The following SSBP2 variants were observed in gnomAD, a reference collection of about 807,000 sequenced individuals.
SSBP2 encodes the protein single stranded DNA binding protein 2.
Under a neutral mutation model 61.8 loss-of-function variants are expected in SSBP2, and 17 were observed. The ratio of observed to expected loss-of-function variants is 0.28; its 90% CI spans 0.19 to 0.41. The LOEUF (loss-of-function observed/expected upper bound fraction) is 0.41, where lower values mean the gene tolerates loss of function less well. Ranked by LOEUF, SSBP2 falls within the 10% of genes least tolerant of loss-of-function variation. The pLI is 1.00. For synonymous variants in SSBP2, 139 were observed against 141.3 expected (o/e 0.98, Z 0.12); for missense variants, 310 against 458.7 (o/e 0.68, Z 2.96).
chr5:81,532,609 G>T (rs1258641460), intron 4 of SSBP2, among the ~76,000 whole-genome samples: 1 of 151,860 alleles, frequency 6.6e-6, no homozygotes, highest in Non-Finnish European at 1.5e-5. Flanking sequence ...AAAAAGTATA[G>T]ATTTATAGTG....
At chr5:81,442,955 G>T (rs1485630136) in intron 12 of SSBP2, 3 of 308,474 alleles carry the variant, frequency 9.7e-6, no homozygotes, top group Non-Finnish European at 1.2e-5. Flanking sequence ...CAGGTAAAAG[G>T]ATTATTAGAA....
rs1761431749 is a variant in SSBP2 at position 81,418,767 on chromosome 5, A to T, written c.*1737T>A. On this transcript the variant is annotated 3_prime_UTR_variant, in exon 17 of 17. Coordinates refer to ENST00000320672, the MANE Select transcript of SSBP2 (RefSeq NM_012446.5). ...CTAAGCATAGAAAAGATATGCTAAAAATATGGTATTATAATCTTATAGGAC... is the reference window on the plus strand; with the variant it reads ...CTAAGCATAGAAAAGATATGCTAAATATATGGTATTATAATCTTATAGGAC... 6.6e-6 allele frequency: 1 copy of T among 152,226 alleles called. No individual in the cohort carries two copies. Among genetic ancestry groups the T allele is most frequent in the African/African-American group, 2.4e-5 (1 of 41,464 alleles). 9.4% of individuals were successfully genotyped at this position (152,226 alleles called of 1,614,324 possible). A position where few individuals can be genotyped will look rare whatever the true frequency, so the allele number is the denominator to read the frequency against.
intron 1 of SSBP2, among the ~76,000 whole-genome samples, chr5:81,728,530 G>A (rs926135408): frequency 6.6e-6 from 1 of 152,116 alleles, no homozygotes; most frequent in Admixed American, 6.6e-5. Flanking sequence ...ATAACCTTGT[G>A]CAAGCCACTT....
At chr5:81,672,889 TA>T (rs1335144619) in intron 1 of SSBP2, among the ~76,000 whole-genome samples, 1 of 151,296 alleles carries the variant, frequency 6.6e-6, no homozygotes, top group East Asian at 1.9e-4. Flanking sequence ...TTTTTTTTTT[TA>T]AACAGTCTCG....
At chr5:81,751,222 G>A (rs184161094), upstream of SSBP2, 60 of 649,006 alleles carry the variant, frequency 9.2e-5, no homozygotes, top group African/African-American at 1.1e-3. Context: ...CCCTCCCTCT[G>A]GCCTTCCGAA....
At chr5:81,653,112 G>A (rs912124465) in intron 1 of SSBP2, among the ~76,000 whole-genome samples, 2 of 151,660 alleles carry the variant, frequency 1.3e-5, no homozygotes, top group African/African-American at 2.4e-5. Context: ...CTCACCCACC[G>A]ACAGGCCCCA....
chr5:81,659,199 T>C (rs1260262585), intron 1 of SSBP2, among the ~76,000 whole-genome samples: 1 of 152,072 alleles, frequency 6.6e-6, no homozygotes, highest in Non-Finnish European at 1.5e-5. Context: ...TAAAGGGTAT[T>C]AAAATAGGAA....
intron 1 of SSBP2, among the ~76,000 whole-genome samples, chr5:81,722,397 GT>G (rs202149161): frequency 6.3e-4 from 86 of 136,414 alleles, no homozygotes; most frequent in African/African-American, 1.1e-3. Context: ...GTATAATTTT[GT>G]TTTTTTTTTT....
At chr5:81,512,418 T>A (rs761739683) in intron 5 of SSBP2, among the ~76,000 whole-genome samples, 1 of 152,198 alleles carries the variant, frequency 6.6e-6, no homozygotes, top group African/African-American at 2.4e-5. Context: ...AAGCATGGCA[T>A]GTAGTTAGCA....
intron 5 of SSBP2, among the ~76,000 whole-genome samples, chr5:81,502,108 C>T (rs986021875): frequency 1.3e-5 from 2 of 152,032 alleles, no homozygotes; most frequent in African/African-American, 4.8e-5. Context: ...TACTCATTGC[C>T]TCCAATTTCT....
Position 81,466,966 on chromosome 5 carries a change from T to C in SSBP2, c.638+8A>G, listed in dbSNP as rs1764934162. On this transcript the variant is annotated splice_region_variant and intron_variant, in intron 9 of 16. Transcript: ENST00000320672. ...TAATAATGTAGTATATGATATAACA[T>C]TGCTTACATGTTCATTCCAGGCATT... 2 of 1,578,628 alleles carry C rather than the reference T, an allele frequency of 1.3e-6. No homozygotes were observed. Among genetic ancestry groups the C allele is most frequent in the Non-Finnish European group, 1.7e-6 (2 of 1,149,882 alleles).
At chr5:81,699,008 T>A (rs995928201) in intron 1 of SSBP2, among the ~76,000 whole-genome samples, 8 of 152,320 alleles carry the variant, frequency 5.3e-5, no homozygotes, top group African/African-American at 1.7e-4. Context: ...TACAATAAAG[T>A]GAGTCACATG....
At chr5:81,452,953 A>G (rs1313840038) in intron 10 of SSBP2, among the ~76,000 whole-genome samples, 1 of 151,336 alleles carries the variant, frequency 6.6e-6, no homozygotes, top group Non-Finnish European at 1.5e-5. Flanking sequence ...TTAAAATGAA[A>G]AAAAAAAAAA....
At position 81,699,859 on chromosome 5, in the gene SSBP2, T is replaced by C. The variant is rs980639820; in HGVS notation, c.63-49520A>G. Among the ~76,000 whole-genome samples the C allele has an allele frequency of 2.9e-4, 42 of 145,544 alleles. 1 individual carries two copies. The East Asian group carries it at 5.3e-3, about 18-fold the overall frequency. On this transcript the variant is annotated intron_variant, in intron 1 of 16. Coordinates refer to ENST00000320672, the MANE Select transcript of SSBP2 (RefSeq NM_012446.5). ...TAGCTTTACAAAATCAATTTCTTTT[T>C]TTTTTTTTTTTTTTTGAGACATGGT...
At chr5:81,713,768 G>GCAAA (rs1014334311) in intron 1 of SSBP2, among the ~76,000 whole-genome samples, 1 of 151,802 alleles carries the variant, frequency 6.6e-6, no homozygotes, top group Non-Finnish European at 1.5e-5. Flanking sequence ...ACCAAAGCAA[G>GCAAA]CAAACAAACA....
intron 1 of SSBP2, among the ~76,000 whole-genome samples, chr5:81,718,115 CTTT>C (rs1755293245): frequency 6.6e-6 from 1 of 152,082 alleles, no homozygotes. Context: ...CCCACCCAGA[CTTT>C]TAAGCAAATA....
At chr5:81,495,684 T>C (rs2154063452) in intron 5 of SSBP2, among the ~76,000 whole-genome samples, 1 of 152,296 alleles carries the variant, frequency 6.6e-6, no homozygotes, top group South Asian at 2.1e-4. Context: ...GATAATTAAT[T>C]CTTAAAATAA....
At chr5:81,565,669 T>C (rs1319971141) in intron 4 of SSBP2, among the ~76,000 whole-genome samples, 1 of 152,122 alleles carries the variant, frequency 6.6e-6, no homozygotes, top group Non-Finnish European at 1.5e-5. Context: ...CATAAACTCA[T>C]CAAGAAAGAA....
chr5:81,690,610 A>C (rs964674742), intron 1 of SSBP2, among the ~76,000 whole-genome samples: 1 of 152,082 alleles, frequency 6.6e-6, no homozygotes, highest in Admixed American at 6.5e-5. Context: ...AGAGAGATAA[A>C]CCCCAATAGA....
Sources: allele counts gnomAD v4.1 joint callset (sites outside exome capture counted in the v4.1 genomes callset), GRCh38; gene constraint gnomAD v4.1.1; transcripts MANE v1.5; gene names NCBI Gene and HGNC (gene_info 2026-07-23, HGNC 2026-07-21).